ARHGAP29: variants seen among roughly 807,000 people sequenced by gnomAD.
The protein encoded by ARHGAP29 is Rho GTPase activating protein 29, also known as rho GTPase-activating protein 29.
A neutral mutation model predicts 122.6 loss-of-function variants in ARHGAP29; 43 were observed. The ratio of observed to expected loss-of-function variants is 0.35; its 90% CI spans 0.27 to 0.45. The LOEUF is 0.45. Among genes scored for constraint, ARHGAP29 ranks in the 20% least tolerant of loss-of-function variants. The pLI is 1.00. For missense variants in ARHGAP29, 1,303 were observed against 1,477.2 expected (o/e 0.88, Z 1.93); for synonymous variants, 506 against 497.1 (o/e 1.02, Z -0.24).
At chr1:94,197,239 T>C (rs1277326258) in intron 12 of ARHGAP29, among the ~76,000 whole-genome samples, 1 of 150,738 alleles carries the variant, frequency 6.6e-6, no homozygotes, top group Non-Finnish European at 1.5e-5. Flanking sequence ...CAAGACACAC[T>C]GTGCACATAA....
intron 1 of ARHGAP29, among the ~76,000 whole-genome samples, chr1:94,242,762 C>G (rs1653648679): frequency 6.6e-6 from 1 of 151,854 alleles, no homozygotes; most frequent in African/African-American, 2.4e-5. Context: ...AATAAAAAGG[C>G]AGAGATTCTC....
the ARHGAP29 span, among the ~76,000 whole-genome samples, chr1:94,297,460 A>G: frequency 6.6e-6 from 1 of 152,184 alleles, no homozygotes; most frequent in Admixed American, 6.5e-5. Flanking sequence ...ACTGCTTTCT[A>G]TCCATAATGT....
Position 94,171,321 on chromosome 1 carries a change from A to G in ARHGAP29, c.*2548T>C, listed in dbSNP as rs1168112006. Among the ~76,000 whole-genome samples the G allele has an allele frequency of 6.6e-6, 1 of 152,226 alleles. No individual in the cohort carries two copies. The highest frequency in any genetic ancestry group is 2.4e-5 in the African/African-American group (1 of 41,456). ...TAAGGTACACTAAAAGTAATTTAAC[A>G]TACTGTACTCATAAATTCTAACTAA... On this transcript the variant is annotated 3_prime_UTR_variant, in exon 23 of 23. Coordinates refer to ENST00000260526, the MANE Select transcript of ARHGAP29 (RefSeq NM_004815.4).
At chr1:94,269,617 T>C (rs1654914877) in intron 1 of ARHGAP29, among the ~76,000 whole-genome samples, 1 of 152,108 alleles carries the variant, frequency 6.6e-6, no homozygotes, top group South Asian at 2.1e-4. Flanking sequence ...GAAAAGACAG[T>C]TTACAGAATA....
At chr1:94,261,119 C>T (rs1304297369) in intron 1 of ARHGAP29, among the ~76,000 whole-genome samples, 2 of 152,120 alleles carry the variant, frequency 1.3e-5, no homozygotes, top group East Asian at 3.9e-4. Flanking sequence ...GGAAACTATC[C>T]AGAGATTCTG....
chr1:94,209,416 T>A, intron 3 of ARHGAP29, 66 bp from the exon 4 acceptor site: 1 of 981,506 alleles, frequency 1.0e-6, no homozygotes, highest in Non-Finnish European at 1.5e-6. Flanking sequence ...CAGAATCATT[T>A]AATCCTTTAA....
chr1:94,266,216 A>T (rs897358091), intron 1 of ARHGAP29, among the ~76,000 whole-genome samples: 9 of 152,338 alleles, frequency 5.9e-5, no homozygotes, highest in African/African-American at 2.2e-4. Flanking sequence ...TGTCCAGAGC[A>T]GTGAGTCAGC....
chr1:94,190,137 T>C (rs1291923410), intron 12 of ARHGAP29, 54 bp from the exon 13 acceptor site: 1 of 1,559,512 alleles, frequency 6.4e-7, no homozygotes, highest in African/African-American at 1.4e-5. Context: ...GAATGCTATA[T>C]AAACATACAT....
chr1:94,174,238 A>G lies in ARHGAP29; in HGVS notation c.3417T>C (p.Ser1139=). Residue 1139 remains serine (S), a synonymous_variant, in exon 23 of 23, where the codon TCT becomes TCC. Coordinates refer to ENST00000260526, the MANE Select transcript of ARHGAP29 (RefSeq NM_004815.4). ...AEPVRSVREA[S]ERRSSDSYPL... Reference sequence around the variant, plus strand: ...GGTAGGAATCTGAAGACCGTCTCTCAGATGCCTCTCTCACTGACCTGACTG... The same window carrying G: ...GGTAGGAATCTGAAGACCGTCTCTCGGATGCCTCTCTCACTGACCTGACTG... 1 of 1,614,230 alleles carries G rather than the reference A, an allele frequency of 6.2e-7. No individual in the cohort carries two copies. The highest frequency in any genetic ancestry group is 8.5e-7 in the Non-Finnish European group (1 of 1,180,034).
At chr1:94,303,468 A>G in the ARHGAP29 span, among the ~76,000 whole-genome samples, 1 of 152,128 alleles carries the variant, frequency 6.6e-6, no homozygotes, top group African/African-American at 2.4e-5. Flanking sequence ...TGCAAGATGA[A>G]AGTGTTCTGG....
chr1:94,251,359 C>G (rs575740093), intron 1 of ARHGAP29, among the ~76,000 whole-genome samples: 9 of 151,772 alleles, frequency 5.9e-5, no homozygotes, highest in African/African-American at 1.9e-4. Context: ...TTAATAGAGG[C>G]GGGGTTTCAC....
At chr1:94,269,322 A>G (rs1053822319) in intron 1 of ARHGAP29, among the ~76,000 whole-genome samples, 3 of 152,200 alleles carry the variant, frequency 2.0e-5, no homozygotes, top group Non-Finnish European at 4.4e-5. Flanking sequence ...AATCTAATCT[A>G]GGGGAAGTAA....
the ARHGAP29 span, among the ~76,000 whole-genome samples, chr1:94,281,830 G>A: frequency 2.6e-5 from 4 of 152,106 alleles, no homozygotes; most frequent in Non-Finnish European, 5.9e-5. Flanking sequence ...CAGCATTGCT[G>A]GGGAATATTT....
chr1:94,241,877 T>C (rs1653604485), upstream of ARHGAP29, among the ~76,000 whole-genome samples: 1 of 151,702 alleles, frequency 6.6e-6, no homozygotes, highest in Non-Finnish European at 1.5e-5. Context: ...AGGGCTGTCA[T>C]CTCTGAGAGA....
the ARHGAP29 span, among the ~76,000 whole-genome samples, chr1:94,294,705 G>A: frequency 2.0e-5 from 3 of 152,204 alleles, no homozygotes; most frequent in Admixed American, 6.5e-5. Context: ...ACACCTAGAT[G>A]AGATGAGCAG....
At chr1:94,187,019 T>C (rs1649846131) in intron 15 of ARHGAP29, among the ~76,000 whole-genome samples, 1 of 152,202 alleles carries the variant, frequency 6.6e-6, no homozygotes, top group Non-Finnish European at 1.5e-5. Flanking sequence ...CCAAAAGCTT[T>C]CTACAACATA....
chr1:94,213,863 CTAT>C (rs1184574465), intron 3 of ARHGAP29, among the ~76,000 whole-genome samples: 1 of 152,164 alleles, frequency 6.6e-6, no homozygotes, highest in Non-Finnish European at 1.5e-5. Context: ...AAAATGTTAG[CTAT>C]TATTATCATA....
the ARHGAP29 span, among the ~76,000 whole-genome samples, chr1:94,285,245 A>G: frequency 6.6e-6 from 1 of 152,152 alleles, no homozygotes; most frequent in African/African-American, 2.4e-5. Context: ...TGAGTATGGA[A>G]CGAGGCAGTC....
intron 18 of ARHGAP29, 141 bp from the exon 19 acceptor site, chr1:94,184,429 C>A: frequency 1.5e-6 from 1 of 687,642 alleles, no homozygotes. Context: ...CTATTCAAGG[C>A]CAAATGAAGT....
Sources: allele counts gnomAD v4.1 joint callset (sites outside exome capture counted in the v4.1 genomes callset), GRCh38; gene constraint gnomAD v4.1.1; transcripts MANE v1.5; gene names NCBI Gene and HGNC (gene_info 2026-07-23, HGNC 2026-07-21).